The following ANKFN1 variants were observed in gnomAD, a reference collection of about 807,000 sequenced individuals.
ANKFN1 encodes ankyrin repeat and fibronectin type III domain containing 1.
In ANKFN1, 74 loss-of-function variants were observed where a neutral mutation model predicts 108.7. That is an observed-to-expected ratio of 0.68 (90% CI 0.56 to 0.83). The LOEUF is 0.83. Ranked by LOEUF, ANKFN1 falls within the 40% of genes least tolerant of loss-of-function variation. The pLI is 0.00. For missense variants in ANKFN1, 1,505 were observed against 1,382.3 expected, an observed-to-expected ratio of 1.09 and a Z score of -1.41; for synonymous variants, 547 against 516.2, an observed-to-expected ratio of 1.06 and a Z score of -0.81.
chr17:56,278,799 A>G (rs1026970141), intron 3 of ANKFN1, among the ~76,000 whole-genome samples: 2 of 152,252 alleles, frequency 1.3e-5, no homozygotes, highest in African/African-American at 4.8e-5. Flanking sequence ...CAGCTTAGAC[A>G]TTTGAACTGA....
chr17:56,421,473 C>T (rs2048403029), intron 8 of ANKFN1, among the ~76,000 whole-genome samples: 1 of 152,216 alleles, frequency 6.6e-6, no homozygotes, highest in African/African-American at 2.4e-5. Context: ...CAAACCCAAA[C>T]CAATGGCACT....
chr17:56,137,031 T>A (rs1393420370), intron 4 of ANKFN1, among the ~76,000 whole-genome samples: 2 of 152,124 alleles, frequency 1.3e-5, no homozygotes, highest in Admixed American at 6.5e-5. Context: ...TCAAGAAACA[T>A]CTACTACAGA....
intron 8 of ANKFN1, among the ~76,000 whole-genome samples, chr17:56,435,748 G>GTTT (rs11424978): frequency 6.7e-6 from 1 of 149,566 alleles, no homozygotes; most frequent in Non-Finnish European, 1.5e-5. Flanking sequence ...TTTATGAGGT[G>GTTT]TTTTTTTTTT....
chr17:56,477,515 C>T lies in ANKFN1; in HGVS notation c.1801C>T (p.His601Tyr). Residue 601 changes from histidine to tyrosine, a missense_variant, in exon 16 of 21, where the codon CAT becomes TAT. His to Tyr is a moderately conservative substitution (Grantham distance 83). Coordinates refer to ENST00000682825, the MANE Select transcript of ANKFN1 (RefSeq NM_001370326.1). ...TATTCTATCCTATCACAAAAGGAGT[C>T]ATCAGCGTCTCTTTCCTGGATTATA... ...QDILSYHKRSHQRLFPGLYLG... is the reference protein window; with the variant it reads ...QDILSYHKRSYQRLFPGLYLG... 1.9e-6 allele frequency: 3 copies of T among 1,600,396 alleles called. No homozygotes were observed. Among genetic ancestry groups the T allele is most frequent in the East Asian group, 4.5e-5 (2 of 44,082 alleles).
chr17:56,288,167 A>G (rs184021076), intron 3 of ANKFN1, among the ~76,000 whole-genome samples: 244 of 152,326 alleles, frequency 1.6e-3, no homozygotes, highest in Non-Finnish European at 2.8e-3. Flanking sequence ...AAAATGAAAA[A>G]GATATACAGA....
At position 56,240,445 on chromosome 17, in the gene ANKFN1, T is replaced by C. The variant is rs527985697; in HGVS notation, c.53+12488T>C. On this transcript the variant is annotated intron_variant, in intron 3 of 20. Coordinates refer to ENST00000682825, the MANE Select transcript of ANKFN1 (RefSeq NM_001370326.1). ...TATTTTCATTCATTCATTCATTCTA[T>C]TGGTGAAAAATTAGGTTGTTGCCAA... Among the ~76,000 whole-genome samples the C allele has an allele frequency of 7.2e-5, 11 of 152,226 alleles. No homozygotes were observed. In the East Asian group the frequency reaches 1.9e-3, roughly 27 times the overall value.
intron 4 of ANKFN1, among the ~76,000 whole-genome samples, chr17:56,348,400 T>C (rs901020967): frequency 3.9e-5 from 6 of 151,948 alleles, no homozygotes; most frequent in Non-Finnish European, 7.4e-5. Flanking sequence ...AGTCTTTTTG[T>C]TTTGAAGAAA....
intron 4 of ANKFN1, among the ~76,000 whole-genome samples, chr17:56,144,828 G>A (rs1192152785): frequency 6.6e-6 from 1 of 152,178 alleles, no homozygotes; most frequent in Non-Finnish European, 1.5e-5. Context: ...CAGACCCAGG[G>A]ACCACTGCCC....
At position 56,137,309 on chromosome 17, in the gene ANKFN1, A is replaced by G. The variant is rs550050161; in HGVS notation, c.289-90608A>G. ...TGTATTCCCTTAGGGGCCTGGCTCTATAAGACACAAATCTTAGAAAACATC... is the reference window on the plus strand; with the variant it reads ...TGTATTCCCTTAGGGGCCTGGCTCTGTAAGACACAAATCTTAGAAAACATC... On this transcript the variant is annotated intron_variant, in intron 4 of 12. Coordinates refer to the ANKFN1 transcript ENST00000635860. 3.6e-4 allele frequency among the ~76,000 whole-genome samples: 55 copies of G among 152,350 alleles called. 1 individual carries two copies. The highest frequency in any genetic ancestry group is 4.4e-4 in the Non-Finnish European group (30 of 68,036).
chr17:56,141,894 A>AGCCCCCTC (rs1489786708), intron 4 of ANKFN1, among the ~76,000 whole-genome samples: 1 of 150,168 alleles, frequency 6.7e-6, no homozygotes, highest in Non-Finnish European at 1.5e-5. Flanking sequence ...TGTGTAAGAT[A>AGCCCCCTC]GCCCCCTCTT....
At chr17:56,454,603 G>C (rs2049620626) in intron 11 of ANKFN1, among the ~76,000 whole-genome samples, 1 of 152,138 alleles carries the variant, frequency 6.6e-6, no homozygotes, top group African/African-American at 2.4e-5. Context: ...TTCATTGTAG[G>C]GTGACCTGGC....
At chr17:56,177,169 C>T (rs1287844461) in intron 1 of ANKFN1, among the ~76,000 whole-genome samples, 1 of 152,166 alleles carries the variant, frequency 6.6e-6, no homozygotes, top group Non-Finnish European at 1.5e-5. Flanking sequence ...GACTAGCCAC[C>T]ACGGATTCTG....
chr17:56,132,710 C>T (rs913045708), intron 4 of ANKFN1, among the ~76,000 whole-genome samples: 4 of 152,088 alleles, frequency 2.6e-5, no homozygotes, highest in Non-Finnish European at 5.9e-5. Context: ...GTAGATTCAG[C>T]ATCTGATGAG....
chr17:56,387,290 G>A (rs1374841566), intron 8 of ANKFN1, among the ~76,000 whole-genome samples: 2 of 152,014 alleles, frequency 1.3e-5, no homozygotes. Context: ...ATGGGTTTAA[G>A]GCTGTAAATG....
intron 4 of ANKFN1, among the ~76,000 whole-genome samples, chr17:56,336,536 T>C (rs2045814866): frequency 6.6e-6 from 1 of 152,198 alleles, no homozygotes; most frequent in African/African-American, 2.4e-5. Flanking sequence ...CTGATGGTAG[T>C]TTGTATTTCT....
chr17:56,226,190 C>A (rs1916254335), intron 2 of ANKFN1, among the ~76,000 whole-genome samples: 1 of 152,044 alleles, frequency 6.6e-6, no homozygotes, highest in Non-Finnish European at 1.5e-5. Flanking sequence ...CATGTGAGAT[C>A]TTGTTGGGTC....
At chr17:56,390,884 T>C (rs997552905) in intron 8 of ANKFN1, among the ~76,000 whole-genome samples, 4 of 152,184 alleles carry the variant, frequency 2.6e-5, no homozygotes, top group Non-Finnish European at 5.9e-5. Context: ...AGACCAGGCC[T>C]ATCATAAGTG....
intron 4 of ANKFN1, among the ~76,000 whole-genome samples, chr17:56,118,208 C>T (rs777976791): frequency 2.6e-5 from 4 of 151,982 alleles, no homozygotes; most frequent in Non-Finnish European, 4.4e-5. Context: ...CACAAGTTTG[C>T]GAGGTCATAT....
chr17:56,262,485 G>A (rs2043539033), intron 3 of ANKFN1, among the ~76,000 whole-genome samples: 1 of 152,140 alleles, frequency 6.6e-6, no homozygotes, highest in South Asian at 2.1e-4. Flanking sequence ...GAGGAGTGTT[G>A]GAGGGATTAT....
Sources: gnomAD v4.1 joint callset for allele counts (sites outside exome capture counted in the v4.1 genomes callset) on GRCh38, gnomAD v4.1.1 for gene constraint, MANE v1.5 for transcripts, NCBI Gene and HGNC (gene_info 2026-07-23, HGNC 2026-07-21) for gene names.